Variants in SLIT2 observed in about 807,000 individuals in gnomAD.
SLIT2 encodes the protein slit guidance ligand 2, also known as slit homolog 2 protein.
In SLIT2, 41 loss-of-function variants were observed where a neutral mutation model predicts 185.7. The ratio of observed to expected loss-of-function variants is 0.22; its 90% CI spans 0.17 to 0.29. SLIT2 has a LOEUF of 0.29. Among genes scored for constraint, SLIT2 ranks in the 10% least tolerant of loss-of-function variants. SLIT2 has a pLI of 1.00. For synonymous variants in SLIT2, 693 were observed against 680.2 expected (o/e 1.02, Z -0.29); for missense variants, 1,571 against 1,909.0 (o/e 0.82, Z 3.30).
At chr4:20,605,768 A>T (rs11733425) in intron 33 of SLIT2, among the ~76,000 whole-genome samples, 2 of 141,154 alleles carry the variant, frequency 1.4e-5, no homozygotes, top group Non-Finnish European at 3.1e-5. Flanking sequence ...ATTTTTTGAG[A>T]CAGAGTTTCA....
At chr4:20,595,479 A>AT (rs1727901086) in intron 30 of SLIT2, among the ~76,000 whole-genome samples, 2 of 123,930 alleles carry the variant, frequency 1.6e-5, no homozygotes, top group African/African-American at 6.2e-5. Flanking sequence ...TTCACTATCA[A>AT]GGAGATAAAA....
chr4:20,525,029 G>A (rs1721160610), intron 14 of SLIT2, 120 bp from the exon 15 acceptor site: 3 of 723,026 alleles, frequency 4.1e-6, no homozygotes, highest in African/African-American at 1.7e-5. Context: ...TCACAGCTGT[G>A]AATATACATT....
chr4:20,453,305 AT>A (rs1205249032), intron 4 of SLIT2, among the ~76,000 whole-genome samples: 1 of 152,190 alleles, frequency 6.6e-6, no homozygotes, highest in African/African-American at 2.4e-5. Context: ...CAGCAATATA[AT>A]TCACAAATAC....
intron 9 of SLIT2, among the ~76,000 whole-genome samples, chr4:20,492,818 TA>T (rs1257192189): frequency 2.0e-5 from 3 of 152,168 alleles, no homozygotes; most frequent in African/African-American, 7.2e-5. Context: ...ATTATGATAA[TA>T]AAGTAACTTA....
At chr4:20,563,052 C>G (rs769841084) in intron 26 of SLIT2, among the ~76,000 whole-genome samples, 1 of 151,722 alleles carries the variant, frequency 6.6e-6, no homozygotes, top group African/African-American at 2.4e-5. Flanking sequence ...GCTAGTCTGC[C>G]TACAGGCTTT....
intron 16 of SLIT2, among the ~76,000 whole-genome samples, chr4:20,529,660 T>C (rs1721609043): frequency 6.6e-6 from 1 of 152,226 alleles, no homozygotes; most frequent in African/African-American, 2.4e-5. Flanking sequence ...CTTAACAGCC[T>C]TAACATAGGA....
At chr4:20,257,092 A>T (rs1711928039) in intron 2 of SLIT2, among the ~76,000 whole-genome samples, 1 of 152,144 alleles carries the variant, frequency 6.6e-6, no homozygotes, top group African/African-American at 2.4e-5. Flanking sequence ...AATTAACTAA[A>T]ATATTTAAGT....
At chr4:20,385,944 A>G (rs1457558691) in intron 4 of SLIT2, among the ~76,000 whole-genome samples, 1 of 152,140 alleles carries the variant, frequency 6.6e-6, no homozygotes, top group Non-Finnish European at 1.5e-5. Context: ...TGAATGATGT[A>G]TCTTCCCAAA....
At chr4:20,327,089 A>G (rs530344272) in intron 4 of SLIT2, among the ~76,000 whole-genome samples, 27 of 151,996 alleles carry the variant, frequency 1.8e-4, no homozygotes, top group Non-Finnish European at 3.4e-4. Flanking sequence ...TTTCCCTCCT[A>G]TTATTCATAT....
At chr4:20,568,645 C>T (rs2148915540) in intron 28 of SLIT2, among the ~76,000 whole-genome samples, 1 of 151,974 alleles carries the variant, frequency 6.6e-6, no homozygotes, top group South Asian at 2.1e-4. Flanking sequence ...CTTCTTGCAA[C>T]CGGCATAAAT....
chr4:20,534,470 A>G (rs1406341386), intron 18 of SLIT2, among the ~76,000 whole-genome samples: 2 of 152,208 alleles, frequency 1.3e-5, no homozygotes, highest in Non-Finnish European at 2.9e-5. Flanking sequence ...CTTTTGTATT[A>G]CTTGAATTTT....
chr4:20,295,336 T>A (rs1716352154), intron 4 of SLIT2, among the ~76,000 whole-genome samples: 1 of 152,246 alleles, frequency 6.6e-6, no homozygotes, highest in Admixed American at 6.5e-5. Context: ...AGTACAATGA[T>A]TTTAATTTGA....
chr4:20,485,485 T>C (rs978740045), intron 6 of SLIT2, among the ~76,000 whole-genome samples: 21 of 152,132 alleles, frequency 1.4e-4, no homozygotes, highest in African/African-American at 9.7e-5. Context: ...ACAATAACTC[T>C]TCACCACACA....
At chr4:20,421,639 C>A (rs530893562) in intron 4 of SLIT2, among the ~76,000 whole-genome samples, 3 of 152,204 alleles carry the variant, frequency 2.0e-5, no homozygotes, top group Admixed American at 6.5e-5. Context: ...CCCTTCTCCC[C>A]AGCCCCCAAA....
chr4:20,301,876 C>CTATT lies in SLIT2; in HGVS notation c.395+32997_395+32998insTTTA, dbSNP rs534486990. ...CTAACTATGCTAGACAGTGATCGGG[C>CTATT]TAAATGTTCATCAGGCTCAATCATT... On this transcript the variant is annotated intron_variant, in intron 4 of 36. Transcript: ENST00000504154. Among the ~76,000 whole-genome samples, 50 of 152,188 alleles carry CTATT rather than the reference C, an allele frequency of 3.3e-4. No homozygotes were observed. The East Asian group carries it at 8.9e-3, about 27-fold the overall frequency.
At chr4:20,352,150 A>T (rs1166492207) in intron 4 of SLIT2, among the ~76,000 whole-genome samples, 1 of 152,112 alleles carries the variant, frequency 6.6e-6, no homozygotes, top group Non-Finnish European at 1.5e-5. Flanking sequence ...TAGCATTCTA[A>T]AGATTGATTG....
chr4:20,380,810 C>T (rs1229413475), intron 4 of SLIT2, among the ~76,000 whole-genome samples: 1 of 151,734 alleles, frequency 6.6e-6, no homozygotes, highest in Non-Finnish European at 1.5e-5. Context: ...AGTTGAGGTT[C>T]CAGGAAATAA....
At chr4:20,384,355 G>A (rs770850563) in intron 4 of SLIT2, among the ~76,000 whole-genome samples, 18 of 152,084 alleles carry the variant, frequency 1.2e-4, no homozygotes, top group Non-Finnish European at 2.2e-4. Context: ...CAAATCCCTG[G>A]TTGTCAAGGG....
rs374910132 is a variant in SLIT2, at chr4:20,320,511, C to G, written c.395+51630C>G. Among the ~76,000 whole-genome samples, 17 of 152,214 alleles carry G rather than the reference C, an allele frequency of 1.1e-4. No individual in the cohort carries two copies. The East Asian group carries it at 1.8e-3, about 16-fold the overall frequency. On this transcript the variant is annotated intron_variant, in intron 4 of 36. Coordinates refer to ENST00000504154, the MANE Select transcript of SLIT2 (RefSeq NM_004787.4). Reference sequence around the variant, plus strand: ...GTTTGCTTATCACATACTCACTGTTCTCCCTGCCTCTTGTCTAAGATTGTG... The same window carrying G: ...GTTTGCTTATCACATACTCACTGTTGTCCCTGCCTCTTGTCTAAGATTGTG...
Sources: allele counts gnomAD v4.1 joint callset (sites outside exome capture counted in the v4.1 genomes callset), GRCh38; gene constraint gnomAD v4.1.1; transcripts MANE v1.5; gene names NCBI Gene and HGNC (gene_info 2026-07-23, HGNC 2026-07-21).